SYNE3: variants seen among roughly 807,000 people sequenced by gnomAD.
SYNE3 encodes the protein spectrin repeat containing nuclear envelope family member 3.
SYNE3 carries 100 observed loss-of-function variants against 111.2 expected under a neutral mutation model. The ratio of observed to expected loss-of-function variants is 0.90; its 90% CI spans 0.77 to 1.06. The LOEUF (loss-of-function observed/expected upper bound fraction) is 1.06. Ranked by LOEUF, SYNE3 falls within the 50% of genes least tolerant of loss-of-function variation. The pLI is 0.00. For synonymous variants in SYNE3, 547 were observed against 533.9 expected, an observed-to-expected ratio of 1.02 and a Z score of -0.34; for missense variants, 1,160 against 1,240.3, an observed-to-expected ratio of 0.94 and a Z score of 0.97.
intron 1 of SYNE3, among the ~76,000 whole-genome samples, chr14:95,499,364 T>G (rs1240916594): frequency 6.6e-6 from 1 of 152,162 alleles, no homozygotes; most frequent in African/African-American, 2.4e-5. Context: ...CATCCATCTC[T>G]GCAGCCTCAG....
intron 3 of SYNE3, 62 bp downstream of exon 3, chr14:95,467,733 T>C: frequency 4.4e-6 from 7 of 1,595,010 alleles, no homozygotes; most frequent in Non-Finnish European, 6.0e-6. Flanking sequence ...GGGCCCAAGC[T>C]AGTGTCACAG....
chr14:95,449,650 C>G (rs1158545358), intron 8 of SYNE3: 3 of 985,286 alleles, frequency 3.0e-6, no homozygotes, highest in Non-Finnish European at 3.6e-6. Flanking sequence ...GAACGCTGCT[C>G]TCTCAGGAGT....
At chr14:95,445,591 T>A (rs772482892) in intron 9 of SYNE3, among the ~76,000 whole-genome samples, 8 of 152,256 alleles carry the variant, frequency 5.3e-5, no homozygotes, top group Admixed American at 1.3e-4. Flanking sequence ...AGGACTTTTA[T>A]CACCATTTTC....
intron 6 of SYNE3, among the ~76,000 whole-genome samples, chr14:95,453,310 A>G (rs10134942): frequency 0.21 from 31,596 of 152,056 alleles, 5,708 homozygotes; most frequent in African/African-American, 0.49. Flanking sequence ...GTCCTTCTTG[A>G]CCATACCGAC....
rs982429624 is a variant in SYNE3, at chr14:95,416,656, A to C, written c.*1170T>G. ...TTTGGGTGGCCTGGGCCCTAGTCCC[A>C]TATGGGGATGCACATGAGACCTTCT... is the stretch of plus-strand genomic sequence containing the variant. On this transcript the variant is annotated 3_prime_UTR_variant, in exon 18 of 18. Transcript: ENST00000682763. 2.0e-5 allele frequency: 3 copies of C among 152,298 alleles called. No individual in the cohort carries two copies. Among genetic ancestry groups the C allele is most frequent in the Non-Finnish European group, 4.4e-5 (3 of 68,100 alleles). The allele number at this position is 152,298 out of a possible 1,614,324, so 9.4% of individuals were successfully genotyped here. A position where few individuals can be genotyped will look rare whatever the true frequency, so the allele number is the denominator to read the frequency against.
chr14:95,422,586 A>G (rs1885186835), intron 17 of SYNE3, among the ~76,000 whole-genome samples: 1 of 152,126 alleles, frequency 6.6e-6, no homozygotes. Context: ...TGGGGCCTGG[A>G]GGGAGGAAGT....
In SYNE3 at chr14:95,457,292, T is replaced by C. The variant is rs1487783424; in HGVS notation, c.674A>G (p.Tyr225Cys). The C allele has an allele frequency of 1.2e-6, 2 of 1,613,948 alleles. No individual in the cohort carries two copies. Among genetic ancestry groups the C allele is most frequent in the East Asian group, 2.2e-5 (1 of 44,866 alleles). ...LEQVAREHEE[Y>C]QAGVDEFQLW... ...TTGGAACTCGTCCACACCTGCCTGG[T>C]ACTCCTCATGCTCCCGGGCCACCTG... The change falls in exon 5 of 18, where the codon TAC becomes TGC. Residue 225 changes from tyrosine (Y) to cysteine (C), a missense_variant. By Grantham distance (194) the Tyr-to-Cys change is radical. Transcript: ENST00000682763.
intron 1 of SYNE3, among the ~76,000 whole-genome samples, chr14:95,508,922 T>C (rs984275716): frequency 1.3e-5 from 2 of 152,256 alleles, no homozygotes; most frequent in Non-Finnish European, 2.9e-5. Flanking sequence ...TATTAGGATC[T>C]GTCCTTCATA....
chr14:95,514,124 G>C (rs555850143), intron 1 of SYNE3, among the ~76,000 whole-genome samples: 24 of 152,130 alleles, frequency 1.6e-4, no homozygotes, highest in Non-Finnish European at 3.1e-4. Flanking sequence ...GTTGAAAGGG[G>C]TGACCAGGAA....
rs913201278 is a variant in SYNE3 at position 95,444,309 on chromosome 14, C to T, written c.1776+176G>A. The T allele has an allele frequency of 1.4e-5, 11 of 814,354 alleles. No homozygotes were observed. In the African/African-American group the frequency reaches 1.7e-4, roughly 13 times the overall value. 50.4% of individuals were successfully genotyped at this position (814,354 alleles called of 1,614,324 possible). A position where few individuals can be genotyped will look rare whatever the true frequency, so the allele number is the denominator to read the frequency against. ...AGACTCAGTTGTTTGAGGTCAGGAA[C>T]CATCAGATAAATAAGCAGAGGTTCT... On this transcript the variant is annotated intron_variant, in intron 10 of 17. Transcript: ENST00000682763.
intron 17 of SYNE3, chr14:95,429,835 A>G: frequency 3.4e-5 from 23 of 681,934 alleles, no homozygotes; most frequent in Non-Finnish European, 4.1e-5. Flanking sequence ...AGAGATTCCC[A>G]CTGTGCTACT....
At chr14:95,427,413 A>C in intron 17 of SYNE3, among the ~76,000 whole-genome samples, 1 of 152,168 alleles carries the variant, frequency 6.6e-6, no homozygotes, top group Non-Finnish European at 1.5e-5. Context: ...CGGAGGCCTA[A>C]CCGTCTCCCT....
rs1903581234 is a variant in SYNE3 at position 95,416,354 on chromosome 14, G to A, written c.*1472C>T. Reference sequence around the variant, plus strand: ...TATAATACCTTATGATTCCAAAGCCGGACAGAAGGTCCGAGGAAATCCCCT... The same window carrying A: ...TATAATACCTTATGATTCCAAAGCCAGACAGAAGGTCCGAGGAAATCCCCT... On this transcript the variant is annotated 3_prime_UTR_variant, in exon 18 of 18. Coordinates refer to ENST00000682763, the MANE Select transcript of SYNE3 (RefSeq NM_152592.6). 6.6e-6 allele frequency: 1 copy of A among 152,208 alleles called. No individual in the cohort carries two copies. Among genetic ancestry groups the A allele is most frequent in the Admixed American group, 6.5e-5 (1 of 15,280 alleles). The allele number at this position is 152,208 out of a possible 1,614,324, so 9.4% of individuals were successfully genotyped here. A position where few individuals can be genotyped will look rare whatever the true frequency, so the allele number is the denominator to read the frequency against.
chr14:95,446,985 C>T (rs893578645), intron 8 of SYNE3, among the ~76,000 whole-genome samples: 2 of 152,150 alleles, frequency 1.3e-5, no homozygotes, highest in African/African-American at 4.8e-5. Flanking sequence ...GTTTTGTCTT[C>T]GCCCAGAGTT....
intron 3 of SYNE3, 131 bp from the exon 4 acceptor site, chr14:95,466,371 C>T: frequency 1.9e-6 from 2 of 1,057,556 alleles, no homozygotes; most frequent in Non-Finnish European, 2.6e-6. Context: ...CCTTTCTGGC[C>T]TCTGAGTCAC....
intron 17 of SYNE3, among the ~76,000 whole-genome samples, chr14:95,431,759 A>T (rs1885777996): frequency 6.6e-6 from 1 of 152,214 alleles, no homozygotes; most frequent in Non-Finnish European, 1.5e-5. Flanking sequence ...GTCACAGCAT[A>T]ATCATTGGTA....
At chr14:95,448,642 C>A (rs1304125696) in intron 8 of SYNE3, among the ~76,000 whole-genome samples, 2 of 152,140 alleles carry the variant, frequency 1.3e-5, no homozygotes, top group South Asian at 4.1e-4. Context: ...GAGCTGAGAT[C>A]GCGCCACTGC....
intron 15 of SYNE3, among the ~76,000 whole-genome samples, chr14:95,434,609 G>A (rs975525253): frequency 2.6e-5 from 4 of 152,136 alleles, no homozygotes; most frequent in Admixed American, 6.5e-5. Context: ...GTCCCTACTC[G>A]CCTGGCAGTA....
intron 1 of SYNE3, among the ~76,000 whole-genome samples, chr14:95,486,959 C>T (rs950725545): frequency 1.3e-5 from 2 of 152,190 alleles, no homozygotes; most frequent in African/African-American, 2.4e-5. Flanking sequence ...CCTAACTGGC[C>T]AGGGTGCTCC....
Sources: gnomAD v4.1 joint callset for allele counts (sites outside exome capture counted in the v4.1 genomes callset) on GRCh38, gnomAD v4.1.1 for gene constraint, MANE v1.5 for transcripts, NCBI Gene and HGNC (gene_info 2026-07-23, HGNC 2026-07-21) for gene names.